ZBTB21: variants seen among roughly 807,000 people sequenced by gnomAD.
ZBTB21 encodes zinc finger and BTB domain containing 21, also known as zinc finger and BTB domain-containing protein 21.
A neutral mutation model predicts 39.8 loss-of-function variants in ZBTB21; 10 were observed. The observed-to-expected ratio is 0.25, with a 90% CI of 0.16 to 0.43. The LOEUF is 0.43. Ranked by LOEUF, ZBTB21 falls within the 20% of genes least tolerant of loss-of-function variation. ZBTB21 has a pLI of 1.00. For synonymous variants in ZBTB21, 551 were observed against 498.8 expected, an observed-to-expected ratio of 1.10 and a Z score of -1.40; for missense variants, 1,221 against 1,296.3, an observed-to-expected ratio of 0.94 and a Z score of 0.89.
intron 2 of ZBTB21, among the ~76,000 whole-genome samples, chr21:41,999,152 T>C (rs934123599): frequency 2.0e-5 from 3 of 152,154 alleles, no homozygotes; most frequent in Non-Finnish European, 2.9e-5. Context: ...TTAGCACTAA[T>C]AATTTTTGAC....
chr21:41,997,603 A>C (rs1162296888), intron 2 of ZBTB21, among the ~76,000 whole-genome samples: 1 of 139,026 alleles, frequency 7.2e-6, no homozygotes, highest in Non-Finnish European at 1.6e-5. Flanking sequence ...AAAAACAAAA[A>C]AACAAAAAAA....
At chr21:42,009,640 G>A (rs1332953399) in intron 1 of ZBTB21, 1 of 153,140 alleles carries the variant, frequency 6.5e-6, no homozygotes, top group African/African-American at 2.4e-5. Context: ...GCGTCCGCGG[G>A]AGGGGCCGGG....
At chr21:42,005,820 C>A (rs73908010) in intron 1 of ZBTB21, among the ~76,000 whole-genome samples, 1,635 of 152,262 alleles carry the variant, frequency 0.011, 29 homozygotes, top group African/African-American at 0.037. Context: ...ACAGACAAGA[C>A]CCCCACTTTC....
In ZBTB21 at chr21:41,987,442, T is replaced by A. The variant is rs1015157511; in HGVS notation, c.*3453A>T. On this transcript the variant is annotated 3_prime_UTR_variant, in exon 3 of 3. Transcript: ENST00000310826. Reference sequence around the variant, plus strand: ...AAAGTGCTAAAACCACAAAAAGCCATAAATGAAAACCTATTTTTTAAAACT... The same window carrying A: ...AAAGTGCTAAAACCACAAAAAGCCAAAAATGAAAACCTATTTTTTAAAACT... The A allele has an allele frequency of 6.6e-6, 1 of 152,192 alleles. No homozygotes were observed. The highest frequency in any genetic ancestry group is 1.5e-5 in the Non-Finnish European group (1 of 68,022). The allele number at this position is 152,192 out of a possible 1,614,324, so 9.4% of individuals were successfully genotyped here.
At position 41,991,811 on chromosome 21, in the gene ZBTB21, A is replaced by C; in HGVS notation, c.2285T>G (p.Leu762Arg). Residue 762 changes from leucine to arginine, a missense_variant, in exon 3 of 3, where the codon CTG becomes CGG. By Grantham distance (102) the Leu-to-Arg change is moderately radical. Coordinates refer to ENST00000310826, the MANE Select transcript of ZBTB21 (RefSeq NM_001098402.2). The surrounding 1 kb of genome is among the most constrained non-coding windows in gnomAD (Gnocchi z 4.9). ...YCSLRFFSPE[L>R]KQEHESKCEY... ...ACACTTGCTCTCGTGTTCTTGCTTC[A>C]GCTCGGGCGAGAAAAACCTGAGGCT... 1 of 1,614,226 alleles carries C rather than the reference A, an allele frequency of 6.2e-7. No homozygotes were observed. Among genetic ancestry groups the C allele is most frequent in the Non-Finnish European group, 8.5e-7 (1 of 1,180,044 alleles).
rs1253363269 is a variant in ZBTB21, at chr21:41,990,550, GT to G, written c.*344del. On this transcript the variant is annotated 3_prime_UTR_variant, in exon 3 of 3. Transcript: ENST00000310826. ...AATTAAAAGAAGGAATACTTCGACA[GT>G]ATTCCACTAATCAATAAAAAACCAA... 1 of 164,474 alleles carries G rather than the reference GT, an allele frequency of 6.1e-6. No individual in the cohort carries two copies. Among genetic ancestry groups the G allele is most frequent in the East Asian group, 1.7e-4 (1 of 5,884 alleles). 10.2% of individuals were successfully genotyped at this position (164,474 alleles called of 1,614,324 possible). A position where few individuals can be genotyped will look rare whatever the true frequency, so the allele number is the denominator to read the frequency against.
chr21:41,991,701 T>C lies in ZBTB21; in HGVS notation c.2395A>G (p.Asn799Asp). Residue 799 changes from asparagine (N) to aspartate (D), a missense_variant, in exon 3 of 3, where the codon AAT becomes GAT. Coordinates refer to ENST00000310826, the MANE Select transcript of ZBTB21 (RefSeq NM_001098402.2). The surrounding 1 kb of genome is among the most constrained non-coding windows in gnomAD (Gnocchi z 4.9). ...TCGGTGGGTGCCATGTTGTTCTGAT[T>C]ATGGACTTCAACCTGGTGCCGCCAG... is the stretch of plus-strand genomic sequence containing the variant. ...SIWRHQVEVH[N>D]QNNMAPTENF... The C allele has an allele frequency of 1.9e-6, 3 of 1,614,040 alleles. No individual in the cohort carries two copies. Among genetic ancestry groups the C allele is most frequent in the Non-Finnish European group, 2.5e-6 (3 of 1,179,984 alleles).
At chr21:42,006,931 C>G (rs2065886042) in intron 1 of ZBTB21, among the ~76,000 whole-genome samples, 1 of 152,234 alleles carries the variant, frequency 6.6e-6, no homozygotes, top group South Asian at 2.1e-4. Flanking sequence ...GCCAACCCTG[C>G]TGACACCTTG....
intron 2 of ZBTB21, among the ~76,000 whole-genome samples, chr21:42,000,635 T>C (rs904124648): frequency 6.6e-6 from 1 of 152,222 alleles, no homozygotes; most frequent in Non-Finnish European, 1.5e-5. Flanking sequence ...TCCTTCTTTA[T>C]GCATTATTCA....
chr21:41,996,561 C>T (rs35211771), intron 2 of ZBTB21, among the ~76,000 whole-genome samples: 13,252 of 152,168 alleles, frequency 0.087, 803 homozygotes, highest in Non-Finnish European at 0.13. Flanking sequence ...GGCTCATAGG[C>T]GGAAGGGATT....
In ZBTB21 at chr21:41,991,362, C is replaced by T. The variant is rs1233033090; in HGVS notation, c.2734G>A (p.Glu912Lys). 2 of 1,605,484 alleles carry T rather than the reference C, an allele frequency of 1.2e-6. No homozygotes were observed. The highest frequency in any genetic ancestry group is 2.2e-5 in the East Asian group (1 of 44,846). The part of the protein sequence containing the change: ...PSKEASLWPC[E>K]KCGKMFTVHK... ...ACCGTGAACATCTTCCCACACTTCT[C>T]GCAGGGCCACAGGCTGGCTTCTTTG... The change falls in exon 3 of 3, where the codon GAG becomes AAG. Residue 912 changes from glutamate to lysine, a missense_variant. Around this residue, in one of 4 missense-constraint regions of ZBTB21, gnomAD observed 523 missense variants for 542.5 expected, o/e 0.96. Coordinates refer to ENST00000310826, the MANE Select transcript of ZBTB21 (RefSeq NM_001098402.2). This position sits in a 1 kb window ranked among gnomAD's most constrained non-coding sequence, Gnocchi z 4.9.
intron 2 of ZBTB21, chr21:42,002,462 T>C (rs1183563650): frequency 1.3e-5 from 2 of 152,220 alleles, no homozygotes; most frequent in African/African-American, 2.4e-5. Flanking sequence ...GGTGGCTGTG[T>C]ACACCGAATC....
chr21:42,002,532 G>C (rs567327300), intron 2 of ZBTB21: 6 of 152,134 alleles, frequency 3.9e-5, no homozygotes, highest in Non-Finnish European at 7.4e-5. Flanking sequence ...TTTGTTGCCG[G>C]GTGTACTTTC....
intron 1 of ZBTB21, among the ~76,000 whole-genome samples, chr21:42,004,377 G>A (rs150559983): frequency 1.3e-5 from 2 of 152,124 alleles, no homozygotes; most frequent in African/African-American, 4.8e-5. Context: ...TGTTAAATCA[G>A]TTGTATGGAA....
At chr21:41,999,520 G>A (rs540980268) in intron 2 of ZBTB21, among the ~76,000 whole-genome samples, 35 of 152,198 alleles carry the variant, frequency 2.3e-4, no homozygotes, top group South Asian at 1.2e-3. Flanking sequence ...AGTTTACCTC[G>A]CCATAAAATA....
At chr21:41,994,226 C>T in intron 2 of ZBTB21, 118 bp from the exon 3 acceptor site, 1 of 760,732 alleles carries the variant, frequency 1.3e-6, no homozygotes, top group South Asian at 2.3e-5. Context: ...AGACCGTAGG[C>T]TAACAGAAGC....
At position 41,993,008 on chromosome 21, in the gene ZBTB21, T is replaced by A. The variant is rs140723466; in HGVS notation, c.1088A>T (p.Gln363Leu). 6.2e-7 allele frequency: 1 copy of A among 1,614,052 alleles called. No individual in the cohort carries two copies. The change falls in exon 3 of 3, where the codon CAG (glutamine) becomes CTG (leucine). Residue 363 changes from glutamine to leucine, a missense_variant. Coordinates refer to ENST00000310826, the MANE Select transcript of ZBTB21 (RefSeq NM_001098402.2). ...ATCACTGGACACCGAAGATGATCCCTGGGAAGATTTCAAATCTATGGAAGG... is the reference window on the plus strand; with the variant it reads ...ATCACTGGACACCGAAGATGATCCCAGGGAAGATTTCAAATCTATGGAAGG... Reference protein sequence around the residue: ...YSPSIDLKSSQGSSSVSSDAP... With the variant: ...YSPSIDLKSSLGSSSVSSDAP...
chr21:42,005,479 CCTT>C lies in ZBTB21; in HGVS notation c.-78-2521_-78-2519del, dbSNP rs1367328526. On this transcript the variant is annotated intron_variant, in intron 1 of 2. Coordinates refer to ENST00000310826, the MANE Select transcript of ZBTB21 (RefSeq NM_001098402.2). ...TTCCTGGAGTTAGCTTGGTTTTTGT[CCTT>C]CTTCCTGGCCCAGTTTTTTAGCTTT... Among the ~76,000 whole-genome samples the C allele has an allele frequency of 1.2e-4, 18 of 152,296 alleles. No individual in the cohort carries two copies. The South Asian group carries it at 2.7e-3, about 23-fold the overall frequency.
intron 1 of ZBTB21, chr21:42,007,898 T>C (rs1347263289): frequency 6.6e-6 from 1 of 152,240 alleles, no homozygotes; most frequent in Non-Finnish European, 1.5e-5. Flanking sequence ...CTTGTGACTT[T>C]AATCACTACT....
Sources: allele counts gnomAD v4.1 joint callset (sites outside exome capture counted in the v4.1 genomes callset), GRCh38; gene constraint gnomAD v4.1.1; regional missense constraint gnomAD v4.1.1; non-coding constraint Gnocchi (gnomAD v3.1); transcripts MANE v1.5; gene names NCBI Gene and HGNC (gene_info 2026-07-23, HGNC 2026-07-21).